NAALADL2: variants seen among roughly 807,000 people sequenced by gnomAD.
NAALADL2 encodes inactive N-acetylated-alpha-linked acidic dipeptidase-like protein 2.
Under a neutral mutation model 87.2 loss-of-function variants are expected in NAALADL2, and 76 were observed. The ratio of observed to expected loss-of-function variants is 0.87; its 90% CI spans 0.72 to 1.05. The LOEUF is 1.05. NAALADL2 is among the 50% of genes least tolerant of loss of function. The pLI is 0.00. For missense variants in NAALADL2, 1,089 were observed against 945.8 expected, an observed-to-expected ratio of 1.15 and a Z score of -1.99; for synonymous variants, 354 against 331.0, an observed-to-expected ratio of 1.07 and a Z score of -0.75.
chr3:175,468,786 T>G (rs1036195537), intron 8 of NAALADL2, among the ~76,000 whole-genome samples: 3 of 152,000 alleles, frequency 2.0e-5, no homozygotes, highest in African/African-American at 7.2e-5. Flanking sequence ...ATTAAAAAGT[T>G]TAGTTGAGCA....
chr3:174,879,972 C>A (rs190795843), intron 1 of NAALADL2, among the ~76,000 whole-genome samples: 1 of 152,156 alleles, frequency 6.6e-6, no homozygotes, highest in African/African-American at 2.4e-5. Flanking sequence ...GGGTACTGTG[C>A]TGTCTTGCTT....
intron 4 of NAALADL2, among the ~76,000 whole-genome samples, chr3:175,262,256 G>A (rs534184558): frequency 3.3e-5 from 5 of 152,028 alleles, no homozygotes; most frequent in African/African-American, 1.2e-4. Context: ...TTTACATGAA[G>A]CATTTGCATA....
intron 3 of NAALADL2, among the ~76,000 whole-genome samples, chr3:174,761,894 T>A (rs1446240685): frequency 1.3e-5 from 2 of 152,044 alleles, no homozygotes; most frequent in East Asian, 3.9e-4. Flanking sequence ...TTTTTTGCAA[T>A]TACTTTTAAT....
chr3:175,661,246 ATGT>A (rs1348827560), intron 11 of NAALADL2, among the ~76,000 whole-genome samples: 1 of 151,524 alleles, frequency 6.6e-6, no homozygotes, highest in Non-Finnish European at 1.5e-5. Context: ...CTGTTGATTG[ATGT>A]TGTTGAGCTT....
At chr3:175,561,746 T>C (rs1052785082) in intron 9 of NAALADL2, among the ~76,000 whole-genome samples, 1 of 152,196 alleles carries the variant, frequency 6.6e-6, no homozygotes, top group Non-Finnish European at 1.5e-5. Flanking sequence ...CCTCCCCTCA[T>C]AGACCTTATC....
chr3:175,266,467 T>C (rs1204557349), intron 4 of NAALADL2, among the ~76,000 whole-genome samples: 1 of 151,608 alleles, frequency 6.6e-6, no homozygotes, highest in African/African-American at 2.4e-5. Flanking sequence ...GAAAATCCTT[T>C]AGATAAAGTT....
intron 9 of NAALADL2, among the ~76,000 whole-genome samples, chr3:175,475,187 A>C (rs1256249692): frequency 6.6e-6 from 1 of 151,934 alleles, no homozygotes; most frequent in Admixed American, 6.6e-5. Flanking sequence ...ATCCTTGCTA[A>C]GACCTAATTT....
intron 2 of NAALADL2, among the ~76,000 whole-genome samples, chr3:175,105,670 C>T (rs1264499405): frequency 1.4e-5 from 2 of 140,022 alleles, no homozygotes; most frequent in African/African-American, 5.7e-5. Context: ...CACACACACA[C>T]ACACACACAC....
At chr3:175,408,430 A>C (rs745394351) in intron 5 of NAALADL2, among the ~76,000 whole-genome samples, 4 of 152,080 alleles carry the variant, frequency 2.6e-5, no homozygotes, top group Non-Finnish European at 5.9e-5. Flanking sequence ...GAAATTTAAA[A>C]ATTTAAACAT....
At chr3:175,027,098 A>G (rs188332523) in intron 1 of NAALADL2, among the ~76,000 whole-genome samples, 2 of 152,212 alleles carry the variant, frequency 1.3e-5, no homozygotes, top group East Asian at 3.9e-4. Flanking sequence ...CTCAGATGTT[A>G]TCCTTGGAAA....
chr3:174,443,217 A>G (rs1165099410), intron 1 of NAALADL2, among the ~76,000 whole-genome samples: 1 of 152,210 alleles, frequency 6.6e-6, no homozygotes, highest in Non-Finnish European at 1.5e-5. Context: ...GAAAGCAAGA[A>G]TAGAAGCAGG....
At chr3:174,577,991 A>T (rs897239454) in intron 2 of NAALADL2, among the ~76,000 whole-genome samples, 2 of 152,038 alleles carry the variant, frequency 1.3e-5, no homozygotes, top group African/African-American at 4.8e-5. Flanking sequence ...TAAAAGAAAA[A>T]TTTCAGTGGA....
At position 175,708,974 on chromosome 3, in the gene NAALADL2, A is replaced by G. The variant is rs1162106008; in HGVS notation, c.1897-28332A>G. ...TAATAGACATTTTCTTCAAGGTAGAAGATGCTGTACTTTACAACAGCTTAC... is the reference window on the plus strand; with the variant it reads ...TAATAGACATTTTCTTCAAGGTAGAGGATGCTGTACTTTACAACAGCTTAC... On this transcript the variant is annotated intron_variant, in intron 11 of 13. Coordinates refer to ENST00000454872, the MANE Select transcript of NAALADL2 (RefSeq NM_207015.3). Among the ~76,000 whole-genome samples, 3 of 138,440 alleles carry G rather than the reference A, an allele frequency of 2.2e-5. No individual in the cohort carries two copies. The East Asian group carries it at 5.8e-4, about 27-fold the overall frequency. 90.8% of individuals were successfully genotyped at this position (138,440 alleles called of 152,430 possible).
At chr3:175,291,695 C>G (rs1755659308) in intron 4 of NAALADL2, among the ~76,000 whole-genome samples, 1 of 152,046 alleles carries the variant, frequency 6.6e-6, no homozygotes, top group African/African-American at 2.4e-5. Flanking sequence ...CCTGAATATT[C>G]CTTGGGTTTT....
rs147482976 is a variant in NAALADL2 at position 174,633,740 on chromosome 3, G to C, written c.-115+83103G>C. 4.5e-3 allele frequency among the ~76,000 whole-genome samples: 685 copies of C among 152,288 alleles called. 5 individuals are homozygous for C. The highest frequency in any genetic ancestry group is 7.1e-3 in the Admixed American group (109 of 15,302). On this transcript the variant is annotated intron_variant, in intron 2 of 3. Transcript: ENST00000434257. Reference sequence around the variant, plus strand: ...CTGGAGTTGCTAGATTTGATGTGATGTGATTGACTACTGAATCTTAATGCT... The same window carrying C: ...CTGGAGTTGCTAGATTTGATGTGATCTGATTGACTACTGAATCTTAATGCT...
chr3:175,277,691 C>A (rs752728752), intron 4 of NAALADL2, among the ~76,000 whole-genome samples: 1 of 152,012 alleles, frequency 6.6e-6, no homozygotes, highest in Non-Finnish European at 1.5e-5. Context: ...TCATAAAGAC[C>A]AAAATGCTTA....
At chr3:175,338,318 G>GTAA (rs937966415) in intron 5 of NAALADL2, among the ~76,000 whole-genome samples, 34 of 152,098 alleles carry the variant, frequency 2.2e-4, no homozygotes, top group African/African-American at 8.0e-4. Flanking sequence ...ATTTTAAATT[G>GTAA]TTACCTCTTT....
At chr3:174,870,657 A>G (rs898040295) in intron 1 of NAALADL2, among the ~76,000 whole-genome samples, 3 of 152,190 alleles carry the variant, frequency 2.0e-5, no homozygotes, top group African/African-American at 7.2e-5. Flanking sequence ...ATTTAAATCA[A>G]GGAAAATCTG....
rs139801275 is a variant in NAALADL2 at position 175,080,754 on chromosome 3, C to G, written c.44-16036C>G. The stretch of plus-strand genomic sequence containing the variant: ...TATATTTAGTGATTTTTAACCAAGA[C>G]TAATTTGGTCCAGTGCCTAGTAAAT... On this transcript the variant is annotated intron_variant, in intron 1 of 13. Coordinates refer to ENST00000454872, the MANE Select transcript of NAALADL2 (RefSeq NM_207015.3). Among the ~76,000 whole-genome samples the G allele has an allele frequency of 3.1e-3, 465 of 152,310 alleles. 1 individual carries two copies. Among genetic ancestry groups the G allele is most frequent in the Non-Finnish European group, 5.4e-3 (365 of 68,020 alleles).
Sources: allele counts gnomAD v4.1 joint callset (sites outside exome capture counted in the v4.1 genomes callset), GRCh38; gene constraint gnomAD v4.1.1; transcripts MANE v1.5; gene names NCBI Gene and HGNC (gene_info 2026-07-23, HGNC 2026-07-21).